RYR3: variants seen among roughly 807,000 people sequenced by gnomAD.
RYR3 encodes the protein ryanodine receptor 3, also known as brain ryanodine receptor-calcium release channel.
Under a neutral mutation model 584.3 loss-of-function variants are expected in RYR3, and 207 were observed. The ratio of observed to expected loss-of-function variants is 0.35; its 90% confidence interval spans 0.32 to 0.40. The LOEUF (loss-of-function observed/expected upper bound fraction) is 0.40. Ranked by LOEUF, RYR3 falls within the 10% of genes least tolerant of loss-of-function variation. The pLI is 1.00. For missense variants in RYR3, 5,616 were observed against 6,089.2 expected (o/e 0.92, Z 2.59); for synonymous variants, 2,416 against 2,248.5 (o/e 1.07, Z -2.11).
chr15:33,780,310 C>T lies in RYR3; in HGVS notation c.9237C>T (p.Val3079=). 6.2e-7 allele frequency: 1 copy of T among 1,613,886 alleles called. No homozygotes were observed. The highest frequency in any genetic ancestry group is 8.5e-7 in the Non-Finnish European group (1 of 1,179,842). Residue 3079 remains valine, a synonymous_variant, in exon 65 of 104, where the codon GTC becomes GTT. Transcript: ENST00000634891. The part of the protein sequence containing the change: ...PTLNRYNPLS[V]FNTKTPRERS... ...TTAATCGCTACAATCCACTCTCGGT[C>T]TTCAACACCAAAACCCCCAGGGAGA... is the stretch of plus-strand genomic sequence containing the variant.
At chr15:33,633,996 A>G (rs772000880) in intron 24 of RYR3, among the ~76,000 whole-genome samples, 1 of 152,214 alleles carries the variant, frequency 6.6e-6, no homozygotes, top group Non-Finnish European at 1.5e-5. Context: ...TTTCTAACCA[A>G]TTCTGTGATG....
chr15:33,415,249 T>C (rs964812081), intron 1 of RYR3, among the ~76,000 whole-genome samples: 10 of 152,224 alleles, frequency 6.6e-5, no homozygotes, highest in African/African-American at 2.4e-4. Context: ...CTTTTTACTT[T>C]TTATTAATGT....
At chr15:33,376,016 A>G (rs983230722) in intron 1 of RYR3, among the ~76,000 whole-genome samples, 5 of 152,214 alleles carry the variant, frequency 3.3e-5, no homozygotes, top group Non-Finnish European at 7.3e-5. Context: ...GTGAGCCGAG[A>G]TCGCGCCACT....
chr15:33,728,886 G>A lies in RYR3; in HGVS notation c.7063G>A (p.Ala2355Thr). ...GTCGGTCAGTGAGCCAGATATGGCG[G>A]CCAATTTCTGCCCTGACCACAAGGC... is the stretch of plus-strand genomic sequence containing the variant. Reference protein sequence around the residue: ...DGSVSEPDMAANFCPDHKAPM... With the variant: ...DGSVSEPDMATNFCPDHKAPM... The change falls in exon 47 of 104, where the codon GCC (alanine) becomes ACC (threonine). Residue 2355 changes from alanine to threonine, a missense_variant. Transcript: ENST00000634891. The A allele has an allele frequency of 6.2e-7, 1 of 1,612,402 alleles. No individual in the cohort carries two copies. Among genetic ancestry groups the A allele is most frequent in the Admixed American group, 1.7e-5 (1 of 59,744 alleles).
At chr15:33,382,106 C>G (rs1415511912) in intron 1 of RYR3, among the ~76,000 whole-genome samples, 1 of 151,958 alleles carries the variant, frequency 6.6e-6, no homozygotes, top group Non-Finnish European at 1.5e-5. Context: ...GCAGATGTAA[C>G]CTAGAAGGAT....
rs143318978 is a variant in RYR3 at position 33,531,208 on chromosome 15, G to A, written c.354+542G>A. On this transcript the variant is annotated intron_variant, in intron 4 of 103. Coordinates refer to ENST00000634891, the MANE Select transcript of RYR3 (RefSeq NM_001036.6). The stretch of plus-strand genomic sequence containing the variant: ...CAGGAGGAAGACAAGAGGCAAGGTA[G>A]TCACAGAAAGCTGCATGGCTATTAC... Among the ~76,000 whole-genome samples, 353 of 152,262 alleles carry A rather than the reference G, an allele frequency of 2.3e-3. 2 individuals are homozygous for A. The highest frequency in any genetic ancestry group is 0.013 in the South Asian group (65 of 4,832).
Position 33,838,828 on chromosome 15 carries a change from G to A in RYR3, c.12848G>A (p.Gly4283Glu). The A allele has an allele frequency of 6.2e-7, 1 of 1,613,932 alleles. No homozygotes were observed. Among genetic ancestry groups the A allele is most frequent in the Non-Finnish European group, 8.5e-7 (1 of 1,179,852 alleles). ...GDTDIMSDLF[G>E]LHPKKEGSLK... ...ACAGATATCATGTCAGACCTCTTTG[G>A]ACTCCACCCAAAGAAAGAGGGCAGC... The change falls in exon 89 of 104, where the codon GGA becomes GAA. Residue 4283 changes from glycine (G) to glutamate (E), a missense_variant. By Grantham distance (98) the Gly-to-Glu change is moderately conservative. Coordinates refer to ENST00000634891, the MANE Select transcript of RYR3 (RefSeq NM_001036.6).
At chr15:33,486,345 T>C (rs1322742562) in intron 2 of RYR3, among the ~76,000 whole-genome samples, 1 of 152,204 alleles carries the variant, frequency 6.6e-6, no homozygotes, top group Non-Finnish European at 1.5e-5. Flanking sequence ...TTCTTTGGTT[T>C]GTGGAAGCAT....
chr15:33,475,446 G>C (rs370771586), intron 2 of RYR3, among the ~76,000 whole-genome samples: 1 of 152,108 alleles, frequency 6.6e-6, no homozygotes, highest in Admixed American at 6.5e-5. Flanking sequence ...CATAAGGAGC[G>C]TGCAACCTAG....
chr15:33,729,040 AT>A lies in RYR3; in HGVS notation c.7203+15del, dbSNP rs752467696. 12 of 1,606,588 alleles carry A rather than the reference AT, an allele frequency of 7.5e-6. No individual in the cohort carries two copies. In the Middle Eastern group the frequency reaches 5.0e-4, roughly 67 times the overall value. ...TCTCTAGATACAGTAAGTTGCAAAA[AT>A]AACAAAAAATTATTGTTCCCATCAT... On this transcript the variant is annotated intron_variant, in intron 47 of 103. Coordinates refer to ENST00000634891, the MANE Select transcript of RYR3 (RefSeq NM_001036.6).
intron 3 of RYR3, among the ~76,000 whole-genome samples, chr15:33,517,305 T>C (rs1232400083): frequency 6.6e-6 from 1 of 152,240 alleles, no homozygotes; most frequent in Non-Finnish European, 1.5e-5. Context: ...TTCTACCTTT[T>C]AAATAACCTT....
chr15:33,360,840 T>C (rs1012337645), intron 1 of RYR3, among the ~76,000 whole-genome samples: 4 of 152,226 alleles, frequency 2.6e-5, no homozygotes, highest in Non-Finnish European at 5.9e-5. Flanking sequence ...AGCCAAGGAA[T>C]CTGGCCTATG....
rs371172701 is a variant in RYR3 at position 33,524,553 on chromosome 15, G to C, written c.280-6039G>C. Among the ~76,000 whole-genome samples, 53 of 152,258 alleles carry C rather than the reference G, an allele frequency of 3.5e-4. No homozygotes were observed. The East Asian group carries it at 8.3e-3, about 24-fold the overall frequency. On this transcript the variant is annotated intron_variant, in intron 3 of 103. Coordinates refer to ENST00000634891, the MANE Select transcript of RYR3 (RefSeq NM_001036.6). ...CCAGAAGCAGAATCACTACAGAAAA[G>C]GTTATGGACTTCCTTATGGCCCTTT...
chr15:33,836,792 C>T (rs763859294), intron 87 of RYR3, 114 bp from the exon 88 acceptor site: 213 of 702,206 alleles, frequency 3.0e-4, no homozygotes, highest in Non-Finnish European at 4.8e-4. Flanking sequence ...AAGCTCTTTC[C>T]CGACACTGAT....
At chr15:33,501,970 A>G (rs1412490558) in intron 2 of RYR3, among the ~76,000 whole-genome samples, 1 of 152,198 alleles carries the variant, frequency 6.6e-6, no homozygotes, top group Non-Finnish European at 1.5e-5. Context: ...GTTTTAATAA[A>G]AAAGGATTGG....
intron 20 of RYR3, among the ~76,000 whole-genome samples, chr15:33,627,422 A>T (rs1162453871): frequency 6.6e-6 from 1 of 152,178 alleles, no homozygotes; most frequent in Non-Finnish European, 1.5e-5. Context: ...AAAGGTGATG[A>T]CATTTGAACT....
intron 1 of RYR3, among the ~76,000 whole-genome samples, chr15:33,436,496 A>G (rs1325921037): frequency 6.8e-6 from 1 of 147,476 alleles, no homozygotes; most frequent in Non-Finnish European, 1.5e-5. Flanking sequence ...TCATGAAACC[A>G]TATTCTTTTT....
At chr15:33,644,152 G>A (rs576230012) in intron 27 of RYR3, among the ~76,000 whole-genome samples, 159 bp from the exon 28 acceptor site, 2 of 152,234 alleles carry the variant, frequency 1.3e-5, no homozygotes, top group East Asian at 1.9e-4. Context: ...GCCTCCTGTT[G>A]TTGATTTTAT....
chr15:33,645,031 T>TA (rs1056859967), intron 28 of RYR3, among the ~76,000 whole-genome samples: 3 of 151,202 alleles, frequency 2.0e-5, no homozygotes, highest in Admixed American at 6.6e-5. Flanking sequence ...TTTTTTTTAT[T>TA]AAAAAAAAAT....
Sources: gnomAD v4.1 joint callset for allele counts (sites outside exome capture counted in the v4.1 genomes callset) on GRCh38, gnomAD v4.1.1 for gene constraint, MANE v1.5 for transcripts, NCBI Gene and HGNC (gene_info 2026-07-23, HGNC 2026-07-21) for gene names.